The following CFTR variants were observed in gnomAD, a reference collection of about 807,000 sequenced individuals.
CFTR encodes the protein CF transmembrane conductance regulator, also known as cystic fibrosis transmembrane conductance regulator.
Under a neutral mutation model 171.6 loss-of-function variants are expected in CFTR, and 181 were observed. The observed-to-expected ratio is 1.05, with a 90% confidence interval of 0.93 to 1.19. The LOEUF (loss-of-function observed/expected upper bound fraction) is 1.19, where lower values mean the gene tolerates loss of function less well. Among genes scored for constraint, CFTR ranks in the 50% most tolerant of loss-of-function variants. The pLI is 0.00. For synonymous variants in CFTR, 583 were observed against 608.0 expected, an observed-to-expected ratio of 0.96 and a Z score of 0.60; for missense variants, 1,968 against 1,734.7, an observed-to-expected ratio of 1.13 and a Z score of -2.39.
At chr7:117,486,530 G>A (rs1311395858) in intron 1 of CFTR, among the ~76,000 whole-genome samples, 2 of 152,048 alleles carry the variant, frequency 1.3e-5, no homozygotes, top group African/African-American at 4.8e-5. Flanking sequence ...TATTCAATTA[G>A]AATTATCCAA....
intron 23 of CFTR, among the ~76,000 whole-genome samples, chr7:117,651,204 G>A (rs2116191801): frequency 6.6e-6 from 1 of 152,224 alleles, no homozygotes; most frequent in South Asian, 2.1e-4. Flanking sequence ...GTAATATATT[G>A]TTTGATACTT....
chr7:117,594,303 C>T (rs1006112271), intron 14 of CFTR, among the ~76,000 whole-genome samples: 3 of 152,114 alleles, frequency 2.0e-5, no homozygotes, highest in African/African-American at 7.2e-5. Flanking sequence ...TTGTGAGAAA[C>T]AAAACTCTTT....
chr7:117,631,557 C>G (rs1400755557), intron 22 of CFTR, among the ~76,000 whole-genome samples: 1 of 152,094 alleles, frequency 6.6e-6, no homozygotes, highest in Admixed American at 6.5e-5. Context: ...ATCAACCATG[C>G]CTATGTAATG....
intron 15 of CFTR, among the ~76,000 whole-genome samples, chr7:117,595,284 T>A (rs555774921): frequency 1.3e-5 from 2 of 151,032 alleles, no homozygotes; most frequent in South Asian, 4.2e-4. Context: ...GTTCTTAGCT[T>A]CTGAAAAATC....
intron 11 of CFTR, among the ~76,000 whole-genome samples, chr7:117,583,267 AC>A (rs955016243): frequency 1.3e-5 from 2 of 151,828 alleles, no homozygotes; most frequent in Non-Finnish European, 2.9e-5. Flanking sequence ...ATTTTGATAT[AC>A]CCATCACCTG....
At chr7:117,520,009 A>G (rs1213293896) in intron 3 of CFTR, among the ~76,000 whole-genome samples, 1 of 151,970 alleles carries the variant, frequency 6.6e-6, no homozygotes, top group Non-Finnish European at 1.5e-5. Flanking sequence ...AGTCCTAACA[A>G]TAGATATTTA....
At chr7:117,577,790 T>G (rs1791793497) in intron 11 of CFTR, among the ~76,000 whole-genome samples, 1 of 152,150 alleles carries the variant, frequency 6.6e-6, no homozygotes, top group African/African-American at 2.4e-5. Context: ...ATTGTTATTA[T>G]GTAACAGGAT....
intron 9 of CFTR, among the ~76,000 whole-genome samples, chr7:117,547,763 G>A (rs192515345): frequency 5.3e-5 from 8 of 152,242 alleles, no homozygotes; most frequent in African/African-American, 1.4e-4. Flanking sequence ...AAAGTGCAAC[G>A]TAGTGAGACT....
At chr7:117,595,801 G>T (rs1430929739) in intron 15 of CFTR, among the ~76,000 whole-genome samples, 1 of 152,058 alleles carries the variant, frequency 6.6e-6, no homozygotes, top group African/African-American at 2.4e-5. Context: ...TGGGAGAATC[G>T]CTTGAGCCTG....
At chr7:117,495,268 C>T (rs1210069759) in intron 1 of CFTR, among the ~76,000 whole-genome samples, 2 of 152,042 alleles carry the variant, frequency 1.3e-5, no homozygotes, top group Non-Finnish European at 2.9e-5. Context: ...GGCTTCATTC[C>T]CAGATAGAAT....
chr7:117,494,511 T>G (rs550095496), intron 1 of CFTR, among the ~76,000 whole-genome samples: 5 of 152,248 alleles, frequency 3.3e-5, no homozygotes, highest in African/African-American at 4.8e-5. Flanking sequence ...CAATAAACAC[T>G]TTAGCAAAGA....
chr7:117,635,841 G>A (rs528759432), intron 22 of CFTR, among the ~76,000 whole-genome samples: 2 of 152,048 alleles, frequency 1.3e-5, no homozygotes, highest in East Asian at 3.9e-4. Flanking sequence ...ATTTATGATT[G>A]AATATATTGA....
chr7:117,610,677 A>G lies in CFTR; in HGVS notation c.3139+8A>G, dbSNP rs193922517. The G allele has an allele frequency of 1.4e-5, 23 of 1,613,122 alleles. 1 individual carries two copies. The Admixed American group carries it at 3.0e-4, about 21-fold the overall frequency. ...AACAACTGGAATCTGAAGGTATGAC[A>G]GTGAATGTGCGATACTCATCTTGTA... is the stretch of plus-strand genomic sequence containing the variant. On this transcript the variant is annotated splice_region_variant and intron_variant, in intron 19 of 26. Coordinates refer to ENST00000003084, the MANE Select transcript of CFTR (RefSeq NM_000492.4).
At chr7:117,554,811 A>G (rs117422458) in intron 10 of CFTR, among the ~76,000 whole-genome samples, 109 of 152,302 alleles carry the variant, frequency 7.2e-4, no homozygotes, top group Non-Finnish European at 1.1e-3. Context: ...AAACTGTTAT[A>G]ATTAACCGGT....
At chr7:117,619,413 C>T (rs1429028926) in intron 21 of CFTR, among the ~76,000 whole-genome samples, 3 of 152,222 alleles carry the variant, frequency 2.0e-5, no homozygotes, top group Admixed American at 6.5e-5. Flanking sequence ...CACTCATAAT[C>T]ACATTGTTGG....
intron 22 of CFTR, among the ~76,000 whole-genome samples, chr7:117,641,975 A>C (rs762638834): frequency 6.6e-6 from 1 of 152,166 alleles, no homozygotes. Flanking sequence ...AACTTCACCA[A>C]ATTAATTTAT....
In CFTR at chr7:117,667,042, G is replaced by A. The variant is rs1554397779; in HGVS notation, c.4377G>A (p.Lys1459=). Residue 1459 remains lysine (K), a synonymous_variant, in exon 27 of 27, where the codon AAG becomes AAA. Coordinates refer to ENST00000003084, the MANE Select transcript of CFTR (RefSeq NM_000492.4). ...CCCACCGGAACTCAAGCAAGTGCAAGTCTAAGCCCCAGATTGCTGCTCTGA... is the reference window on the plus strand; with the variant it reads ...CCCACCGGAACTCAAGCAAGTGCAAATCTAAGCCCCAGATTGCTGCTCTGA... ...LFPHRNSSKC[K]SKPQIAALKE... 3 of 1,614,050 alleles carry A rather than the reference G, an allele frequency of 1.9e-6. No individual in the cohort carries two copies. Among genetic ancestry groups the A allele is most frequent in the Non-Finnish European group, 2.5e-6 (3 of 1,179,980 alleles).
rs867990936 is a variant in CFTR at position 117,666,938 on chromosome 7, G to A, written c.4273G>A (p.Asp1425Asn). ...VIEENKVRQY[D>N]SIQKLLNERS... ...AGAAGAGAACAAAGTGCGGCAGTAC[G>A]ATTCCATCCAGAAACTGCTGAACGA... The change falls in exon 27 of 27, where the codon GAT (aspartate) becomes AAT (asparagine). Residue 1425 changes from aspartate (D) to asparagine (N), a missense_variant. Asp to Asn is a conservative substitution (Grantham distance 23). Coordinates refer to ENST00000003084, the MANE Select transcript of CFTR (RefSeq NM_000492.4). 5.0e-6 allele frequency: 8 copies of A among 1,614,004 alleles called. No homozygotes were observed. Among genetic ancestry groups the A allele is most frequent in the Non-Finnish European group, 6.8e-6 (8 of 1,179,968 alleles).
At chr7:117,522,360 T>TTCTTC (rs1798697991) in intron 3 of CFTR, among the ~76,000 whole-genome samples, 1 of 152,150 alleles carries the variant, frequency 6.6e-6, no homozygotes, top group African/African-American at 2.4e-5. Flanking sequence ...ACCTCTTAGT[T>TTCTTC]TATCAGTGAG....
Sources: gnomAD v4.1 joint callset for allele counts (sites outside exome capture counted in the v4.1 genomes callset) on GRCh38, gnomAD v4.1.1 for gene constraint, MANE v1.5 for transcripts, NCBI Gene and HGNC (gene_info 2026-07-23, HGNC 2026-07-21) for gene names.